Variants in PDXDC1 observed in about 807,000 individuals in gnomAD.
The protein encoded by PDXDC1 is pyridoxal dependent decarboxylase domain containing 1.
A neutral mutation model predicts 100.1 loss-of-function variants in PDXDC1; 42 were observed. The ratio of observed to expected loss-of-function variants is 0.42; its 90% CI spans 0.33 to 0.54. The LOEUF is 0.54. PDXDC1 is among the 20% of genes least tolerant of loss of function. The pLI is 0.10. For missense variants in PDXDC1, 636 were observed against 979.2 expected (o/e 0.65, Z 4.68); for synonymous variants, 260 against 371.7 (o/e 0.70, Z 3.46).
chr16:15,015,578 G>A lies in PDXDC1; in HGVS notation c.728-551G>A, dbSNP rs184371508. ...AAAAATACAAAAAAATTAGCCGGGC[G>A]TGGTGGCCACCGCCTGTAATCCCAC... is the stretch of plus-strand genomic sequence containing the variant. On this transcript the variant is annotated intron_variant, in intron 8 of 22. Transcript: ENST00000396410. Among the ~76,000 whole-genome samples, 22 of 152,376 alleles carry A rather than the reference G, an allele frequency of 1.4e-4. No homozygotes were observed. The South Asian group carries it at 2.3e-3, about 16-fold the overall frequency.
chr16:15,083,774 T>C lies in PDXDC1; in HGVS notation c.1399+53718T>C, dbSNP rs367601620. 3.4e-5 allele frequency: 21 copies of C among 612,024 alleles called. No homozygotes were observed. In the East Asian group the frequency reaches 7.6e-4, roughly 22 times the overall value. 37.9% of individuals were successfully genotyped at this position (612,024 alleles called of 1,614,324 possible). A position where few individuals can be genotyped will look rare whatever the true frequency, so the allele number is the denominator to read the frequency against. ...TCTTGTTGCCCAGGCTGGAGTGCAG[T>C]GGCGCAATCTCAGCTCACTGCAACC... On this transcript the variant is annotated intron_variant, in intron 16 of 16. Transcript: ENST00000535621.
chr16:14,992,860 T>C (rs1971145815), intron 1 of PDXDC1, among the ~76,000 whole-genome samples: 1 of 152,230 alleles, frequency 6.6e-6, no homozygotes, highest in African/African-American at 2.4e-5. Context: ...TTTTTTTTTT[T>C]TTTCTTTTTT....
At chr16:15,042,110 A>G (rs1475199973), downstream of PDXDC1, among the ~76,000 whole-genome samples, 1 of 151,958 alleles carries the variant, frequency 6.6e-6, no homozygotes, top group African/African-American at 2.4e-5. Context: ...TAATCCTAAC[A>G]CTGTTAATAA....
chr16:15,040,743 C>A (rs1175143160), downstream of PDXDC1, among the ~76,000 whole-genome samples: 1 of 152,100 alleles, frequency 6.6e-6, no homozygotes, highest in Non-Finnish European at 1.5e-5. Context: ...GAAAAGCACG[C>A]CGGGCCTGGG....
rs1032524704 is a variant in PDXDC1 at position 15,033,365 on chromosome 16, C to A, written c.1778C>A (p.Ala593Glu). The change falls in exon 19 of 23, where the codon GCG becomes GAG. Residue 593 changes from alanine (A) to glutamate (E), a missense_variant. Around this residue, in one of 4 missense-constraint regions of PDXDC1, gnomAD observed 452 missense variants for 402.9 expected, o/e 1.12. Transcript: ENST00000396410. ...GCTGCTGAGCTCGTGGAGACCATTG[C>A]GGCCACAGCCCGGGAGATAGAGGAG... ...VDAAELVETI[A>E]ATAREIEENS... The A allele has an allele frequency of 5.6e-6, 9 of 1,614,092 alleles. No individual in the cohort carries two copies. The highest frequency in any genetic ancestry group is 1.1e-5 in the South Asian group (1 of 91,082).
chr16:15,135,348 C>A (rs1465878594), intron 16 of PDXDC1: 10 of 1,540,692 alleles, frequency 6.5e-6, no homozygotes, highest in Non-Finnish European at 8.7e-6. Context: ...TACTCCACGC[C>A]AGCCGCCAGC....
chr16:15,009,085 T>C (rs2151427600), intron 7 of PDXDC1, among the ~76,000 whole-genome samples: 1 of 152,408 alleles, frequency 6.6e-6, no homozygotes, highest in African/African-American at 2.4e-5. Flanking sequence ...TCACCTGCTT[T>C]AAGTAGAAAC....
intron 16 of PDXDC1, chr16:15,131,628 C>T: frequency 6.3e-7 from 1 of 1,598,322 alleles, no homozygotes; most frequent in Non-Finnish European, 8.5e-7. Context: ...GGGACGCCAC[C>T]ATCCGCGATG....
At chr16:15,060,469 A>T (rs1459062091) in intron 16 of PDXDC1, 1 of 153,640 alleles carries the variant, frequency 6.5e-6, no homozygotes, top group East Asian at 1.9e-4. Flanking sequence ...GAAGTATTTC[A>T]TTACAAAATA....
chr16:15,120,914 G>T, intron 16 of PDXDC1, among the ~76,000 whole-genome samples: 1 of 15,474 alleles, frequency 6.5e-5, no homozygotes, highest in South Asian at 1.7e-3. Flanking sequence ...AGTGAGCCGA[G>T]ATCGCACCAC....
In PDXDC1 at chr16:15,125,205, G is replaced by A. The variant is rs546708325; in HGVS notation, c.1400-13674G>A. On this transcript the variant is annotated intron_variant, in intron 16 of 16. Transcript: ENST00000535621. Reference sequence around the variant, plus strand: ...GAAGCCCTAGATTTCGGTTGTGTTGGTTGTAAAAGGAGAGACCCAGTAAGT... The same window carrying A: ...GAAGCCCTAGATTTCGGTTGTGTTGATTGTAAAAGGAGAGACCCAGTAAGT... The A allele has an allele frequency of 4.7e-5, 23 of 491,704 alleles. No individual in the cohort carries two copies. In the South Asian group the frequency reaches 4.8e-4, roughly 10 times the overall value. 30.5% of individuals were successfully genotyped at this position (491,704 alleles called of 1,614,324 possible). A position where few individuals can be genotyped will look rare whatever the true frequency, so the allele number is the denominator to read the frequency against.
intron 16 of PDXDC1, among the ~76,000 whole-genome samples, chr16:15,097,002 CTGTAATG>C (rs1360078041): frequency 6.6e-6 from 1 of 152,156 alleles, no homozygotes; most frequent in Non-Finnish European, 1.5e-5. Flanking sequence ...TGACTCACAC[CTGTAATG>C]CCAGAGCTTT....
chr16:15,111,424 C>A (rs545864256), intron 16 of PDXDC1, among the ~76,000 whole-genome samples: 1 of 138,530 alleles, frequency 7.2e-6, no homozygotes, highest in Admixed American at 7.6e-5. Flanking sequence ...CCATTGCACT[C>A]CAACCTGGGC....
At chr16:15,063,533 C>T (rs1490043209) in intron 16 of PDXDC1, among the ~76,000 whole-genome samples, 1 of 151,582 alleles carries the variant, frequency 6.6e-6, no homozygotes, top group Admixed American at 6.6e-5. Context: ...ACGGTGAAAC[C>T]CCATCTCTAC....
intron 16 of PDXDC1, among the ~76,000 whole-genome samples, chr16:15,052,359 C>T (rs2044326692): frequency 6.6e-6 from 1 of 152,204 alleles, no homozygotes; most frequent in South Asian, 2.1e-4. Context: ...ATAGGCTATA[C>T]ATAAGCAGGG....
intron 16 of PDXDC1, chr16:15,044,410 G>A (rs1213091676): frequency 1.2e-6 from 2 of 1,610,770 alleles, no homozygotes; most frequent in Non-Finnish European, 1.7e-6. Context: ...CTTCCAGCCT[G>A]GCAAAGAGAT....
chr16:15,044,453 T>C, intron 16 of PDXDC1: 1 of 1,210,116 alleles, frequency 8.3e-7, no homozygotes, highest in Non-Finnish European at 1.2e-6. Flanking sequence ...AAGACACCGG[T>C]GCGTGCGCTG....
chr16:15,107,856 T>A (rs2151863081), intron 16 of PDXDC1: 1 of 938,224 alleles, frequency 1.1e-6, no homozygotes, highest in East Asian at 8.1e-5. Flanking sequence ...TTGCTCCTCA[T>A]CTGACTCCTC....
chr16:15,134,940 G>T, intron 16 of PDXDC1: 1 of 391,916 alleles, frequency 2.6e-6, no homozygotes, highest in South Asian at 2.2e-5. Flanking sequence ...TGGGGAGCGT[G>T]AGGGTGAGAA....
Sources: allele counts gnomAD v4.1 joint callset (sites outside exome capture counted in the v4.1 genomes callset), GRCh38; gene constraint gnomAD v4.1.1; regional missense constraint gnomAD v4.1.1; transcripts MANE v1.5; gene names NCBI Gene and HGNC (gene_info 2026-07-23, HGNC 2026-07-21).